Variants in CAMK2D observed in about 807,000 individuals in gnomAD.
The protein encoded by CAMK2D is calcium/calmodulin dependent protein kinase II delta.
In CAMK2D, 37 loss-of-function variants were observed where a neutral mutation model predicts 84.0. The observed-to-expected ratio is 0.44, with a 90% confidence interval of 0.34 to 0.58. The LOEUF is 0.58. CAMK2D is among the 20% of genes least tolerant of loss of function. CAMK2D has a pLI of 0.02. For missense variants in CAMK2D, 448 were observed against 652.5 expected (o/e 0.69, Z 3.41); for synonymous variants, 202 against 212.5 (o/e 0.95, Z 0.43).
At chr4:113,681,945 A>C (rs898546951) in intron 2 of CAMK2D, among the ~76,000 whole-genome samples, 3 of 152,164 alleles carry the variant, frequency 2.0e-5, no homozygotes, top group African/African-American at 7.2e-5. Flanking sequence ...TTTCTCCAGC[A>C]CAAAGTATGT....
chr4:113,676,436 T>TACC (rs2154330838), intron 2 of CAMK2D, among the ~76,000 whole-genome samples: 1 of 150,862 alleles, frequency 6.6e-6, no homozygotes, highest in Admixed American at 6.6e-5. Context: ...CCATCAGGAA[T>TACC]ACCAGTCCAC....
intron 2 of CAMK2D, chr4:113,754,936 A>T (rs1316146911): frequency 1.0e-6 from 1 of 984,606 alleles, no homozygotes; most frequent in Non-Finnish European, 1.2e-6. Context: ...TGTTCTTGCC[A>T]AGAAACCTTC....
intron 3 of CAMK2D, among the ~76,000 whole-genome samples, chr4:113,660,341 G>A (rs1272345961): frequency 6.6e-6 from 1 of 152,044 alleles, no homozygotes; most frequent in Non-Finnish European, 1.5e-5. Context: ...AATTCATGAG[G>A]GATAAATATT....
intron 4 of CAMK2D, among the ~76,000 whole-genome samples, chr4:113,566,512 C>T (rs182511141): frequency 5.9e-5 from 9 of 152,262 alleles, no homozygotes; most frequent in Non-Finnish European, 8.8e-5. Context: ...TTCATATTTC[C>T]GATCTTTAAA....
At chr4:113,689,667 T>A (rs2099378378) in intron 2 of CAMK2D, among the ~76,000 whole-genome samples, 1 of 152,174 alleles carries the variant, frequency 6.6e-6, no homozygotes, top group Non-Finnish European at 1.5e-5. Flanking sequence ...TGCTCAAATG[T>A]TACCAATTCA....
chr4:113,565,631 A>G (rs374257494), intron 4 of CAMK2D, among the ~76,000 whole-genome samples: 4 of 151,028 alleles, frequency 2.6e-5, no homozygotes, highest in African/African-American at 7.3e-5. Context: ...AGCCTGGGAG[A>G]CACAGTGAGA....
chr4:113,755,183 C>CACACAA (rs2099625755), intron 2 of CAMK2D: 2 of 241,912 alleles, frequency 8.3e-6, no homozygotes, highest in Non-Finnish European at 1.3e-5. Context: ...TACACACACA[C>CACACAA]ACACACACAC....
chr4:113,481,079 T>A (rs764211359), intron 16 of CAMK2D, among the ~76,000 whole-genome samples: 9 of 152,214 alleles, frequency 5.9e-5, no homozygotes, highest in Non-Finnish European at 8.8e-5. Flanking sequence ...ACTAAGACAC[T>A]TTTAAAACAT....
At position 113,601,683 on chromosome 4, in the gene CAMK2D, C is replaced by CTTTTTTTTTTTTTT. The variant is rs755850795; in HGVS notation, c.275+7455_275+7468dup. ...ATTTTATGTAGATTAACTGTTTATT[C>CTTTTTTTTTTTTTT]TTTTTTTTTTTTTTTTTTTTTTTTT... On this transcript the variant is annotated intron_variant, in intron 4 of 20. Transcript: ENST00000511664. 3.3e-3 allele frequency among the ~76,000 whole-genome samples: 150 copies of CTTTTTTTTTTTTTT among 45,854 alleles called. 2 individuals carry two copies. Among genetic ancestry groups the CTTTTTTTTTTTTTT allele is most frequent in the Non-Finnish European group, 3.8e-3 (97 of 25,534 alleles). The allele number at this position is 45,854 out of a possible 152,430, so 30.1% of individuals were successfully genotyped here.
At chr4:113,734,952 A>C (rs955517810) in intron 2 of CAMK2D, among the ~76,000 whole-genome samples, 3 of 151,678 alleles carry the variant, frequency 2.0e-5, no homozygotes, top group Non-Finnish European at 2.9e-5. Flanking sequence ...ACATTTTACT[A>C]TCTTACATGG....
intron 16 of CAMK2D, among the ~76,000 whole-genome samples, chr4:113,494,479 A>G (rs1184851485): frequency 6.6e-6 from 1 of 152,128 alleles, no homozygotes; most frequent in African/African-American, 2.4e-5. Flanking sequence ...GACCCACTTG[A>G]GGAGGCAGTC....
At chr4:113,744,503 T>A (rs2148965656) in intron 2 of CAMK2D, among the ~76,000 whole-genome samples, 1 of 152,284 alleles carries the variant, frequency 6.6e-6, no homozygotes, top group Admixed American at 6.5e-5. Flanking sequence ...GCCATATCCT[T>A]CCATTTATCC....
At chr4:113,678,631 T>C (rs1248019774) in intron 2 of CAMK2D, among the ~76,000 whole-genome samples, 2 of 152,120 alleles carry the variant, frequency 1.3e-5, no homozygotes, top group Non-Finnish European at 1.5e-5. Context: ...CAAAATCCTC[T>C]CTTGTAGCTA....
intron 3 of CAMK2D, among the ~76,000 whole-genome samples, chr4:113,609,721 T>C (rs2098992044): frequency 6.6e-6 from 1 of 152,186 alleles, no homozygotes; most frequent in African/African-American, 2.4e-5. Flanking sequence ...CTCCCTTTTG[T>C]CCAAGAAGTT....
At chr4:113,675,316 T>C (rs977760456) in intron 2 of CAMK2D, among the ~76,000 whole-genome samples, 2 of 152,218 alleles carry the variant, frequency 1.3e-5, no homozygotes, top group Non-Finnish European at 2.9e-5. Flanking sequence ...TTCCTAGGCA[T>C]ATATATAACA....
intron 3 of CAMK2D, among the ~76,000 whole-genome samples, chr4:113,638,825 G>GT (rs2099120279): frequency 1.3e-5 from 2 of 152,142 alleles, no homozygotes; most frequent in South Asian, 4.1e-4. Flanking sequence ...AGACAATTGT[G>GT]GTAAGGTGGA....
At chr4:113,626,056 C>A (rs1284697916) in intron 3 of CAMK2D, among the ~76,000 whole-genome samples, 1 of 150,402 alleles carries the variant, frequency 6.6e-6, no homozygotes, top group Non-Finnish European at 1.5e-5. Context: ...GAGTTTCAAA[C>A]CAGGGTGGTG....
chr4:113,635,355 A>G (rs928863878), intron 3 of CAMK2D, among the ~76,000 whole-genome samples: 1 of 152,204 alleles, frequency 6.6e-6, no homozygotes, highest in Non-Finnish European at 1.5e-5. Context: ...GGTCTTTTCA[A>G]GCTCTAAAAT....
intron 6 of CAMK2D, among the ~76,000 whole-genome samples, chr4:113,544,908 A>G (rs1000992199): frequency 1.3e-5 from 2 of 152,006 alleles, no homozygotes; most frequent in African/African-American, 4.8e-5. Flanking sequence ...CTCTTCTCCT[A>G]TTGCTTGTTT....
Sources: allele counts gnomAD v4.1 joint callset (sites outside exome capture counted in the v4.1 genomes callset), GRCh38; gene constraint gnomAD v4.1.1; transcripts MANE v1.5; gene names NCBI Gene and HGNC (gene_info 2026-07-23, HGNC 2026-07-21).